Variants in PRDM5 observed in about 807,000 individuals in gnomAD.
PRDM5 encodes PR domain zinc finger protein 5.
A neutral mutation model predicts 81.2 loss-of-function variants in PRDM5; 56 were observed. The ratio of observed to expected loss-of-function variants is 0.69; its 90% CI spans 0.56 to 0.86. The LOEUF (loss-of-function observed/expected upper bound fraction) is 0.86, where lower values mean the gene tolerates loss of function less well. PRDM5 is among the 40% of genes least tolerant of loss of function. The pLI is 0.00. For missense variants in PRDM5, 697 were observed against 770.1 expected (o/e 0.91, Z 1.12); for synonymous variants, 267 against 256.4 (o/e 1.04, Z -0.39).
At chr4:120,792,892 G>T (rs780649350) in intron 10 of PRDM5, among the ~76,000 whole-genome samples, 4 of 152,070 alleles carry the variant, frequency 2.6e-5, no homozygotes, top group Non-Finnish European at 5.9e-5. Context: ...AACGGTGGTT[G>T]CCAGGAACTA....
At chr4:120,870,106 G>A (rs894034256) in intron 2 of PRDM5, among the ~76,000 whole-genome samples, 11 of 152,028 alleles carry the variant, frequency 7.2e-5, no homozygotes, top group African/African-American at 1.2e-4. Context: ...GATAAAGGAC[G>A]AGGAAGGAAG....
At chr4:120,919,306 G>T (rs779317194) in intron 1 of PRDM5, among the ~76,000 whole-genome samples, 10 of 152,196 alleles carry the variant, frequency 6.6e-5, no homozygotes, top group Non-Finnish European at 7.4e-5. Flanking sequence ...TGCAGAAAAA[G>T]ACCTTGTCTG....
chr4:120,792,626 T>C (rs999210747), intron 10 of PRDM5, among the ~76,000 whole-genome samples: 3 of 152,150 alleles, frequency 2.0e-5, no homozygotes, highest in Non-Finnish European at 2.9e-5. Context: ...CTCAGGTTCA[T>C]TGCGTAAAAG....
At chr4:120,806,124 A>C (rs905656394) in intron 8 of PRDM5, among the ~76,000 whole-genome samples, 2 of 152,192 alleles carry the variant, frequency 1.3e-5, no homozygotes, top group African/African-American at 4.8e-5. Context: ...TAAAATACCT[A>C]GGAATCCAAC....
At chr4:120,781,070 A>T in intron 12 of PRDM5, 73 bp downstream of exon 12, 1 of 1,255,290 alleles carries the variant, frequency 8.0e-7, no homozygotes, top group East Asian at 2.3e-5. Flanking sequence ...TAATTATCAC[A>T]TGTTAGTTAA....
rs554683334 is a variant in PRDM5, at chr4:120,915,492, A to T, written c.93+7024T>A. On this transcript the variant is annotated intron_variant, in intron 1 of 15. Transcript: ENST00000264808. Reference sequence around the variant, plus strand: ...GGAGAACAAAGAGACTTCCTCAGTGATGCTGTCATGCAAGAGCGGAACAGC... The same window carrying T: ...GGAGAACAAAGAGACTTCCTCAGTGTTGCTGTCATGCAAGAGCGGAACAGC... Among the ~76,000 whole-genome samples the T allele has an allele frequency of 3.3e-5, 5 of 152,230 alleles. No homozygotes were observed. In the South Asian group the frequency reaches 8.3e-4, roughly 25 times the overall value.
At chr4:120,786,048 C>T (rs189079058) in intron 10 of PRDM5, among the ~76,000 whole-genome samples, 303 of 152,108 alleles carry the variant, frequency 2.0e-3, no homozygotes, top group Non-Finnish European at 3.1e-3. Context: ...GCTAAAAAAT[C>T]AAAAATTAAA....
chr4:120,686,065 T>C (rs917985708), intron 1 of PRDM5, among the ~76,000 whole-genome samples: 2 of 152,054 alleles, frequency 1.3e-5, no homozygotes, highest in African/African-American at 4.8e-5. Context: ...TTCTCTCTCT[T>C]GCTCCCGCTC....
intron 15 of PRDM5, among the ~76,000 whole-genome samples, chr4:120,703,011 C>A (rs1735601925): frequency 6.6e-6 from 1 of 152,078 alleles, no homozygotes; most frequent in Non-Finnish European, 1.5e-5. Flanking sequence ...TTCCCCCATG[C>A]CCATTCCCAG....
intron 14 of PRDM5, among the ~76,000 whole-genome samples, chr4:120,743,279 G>C (rs1193266131): frequency 1.3e-5 from 2 of 151,420 alleles, no homozygotes; most frequent in African/African-American, 4.9e-5. Context: ...CCTGAAGGAA[G>C]CACTAAACAA....
intron 3 of PRDM5, among the ~76,000 whole-genome samples, chr4:120,840,132 C>T (rs1757845458): frequency 6.6e-6 from 1 of 152,214 alleles, no homozygotes; most frequent in Non-Finnish European, 1.5e-5. Flanking sequence ...CTGCTACCTG[C>T]TCCTGGCTCC....
chr4:120,863,365 G>A (rs529009263), intron 2 of PRDM5, among the ~76,000 whole-genome samples: 56 of 151,788 alleles, frequency 3.7e-4, no homozygotes, highest in Middle Eastern at 3.4e-3. Flanking sequence ...ACTACGTACT[G>A]TAATAAACCT....
intron 8 of PRDM5, among the ~76,000 whole-genome samples, chr4:120,806,079 G>A (rs1752875937): frequency 6.6e-6 from 1 of 152,116 alleles, no homozygotes; most frequent in South Asian, 2.1e-4. Context: ...GCCAAATCAT[G>A]AGTGAACTCC....
intron 14 of PRDM5, among the ~76,000 whole-genome samples, chr4:120,722,874 A>T (rs1488401704): frequency 1.1e-4 from 16 of 152,202 alleles, no homozygotes. Flanking sequence ...GCACGCGAGG[A>T]GCTGGCTGAG....
At chr4:120,823,756 G>A (rs1309531197) in intron 3 of PRDM5, among the ~76,000 whole-genome samples, 1 of 152,142 alleles carries the variant, frequency 6.6e-6, no homozygotes, top group Non-Finnish European at 1.5e-5. Context: ...CATGCCCTTT[G>A]GCAGGAAGGA....
chr4:120,730,558 T>C (rs1297040328), intron 14 of PRDM5, among the ~76,000 whole-genome samples: 2 of 152,222 alleles, frequency 1.3e-5, no homozygotes, highest in African/African-American at 4.8e-5. Flanking sequence ...TGAACATAAA[T>C]TTCTGTTCCA....
chr4:120,893,465 AGACTGCATCTTTT>A (rs1764282954), intron 2 of PRDM5, among the ~76,000 whole-genome samples: 1 of 152,168 alleles, frequency 6.6e-6, no homozygotes, highest in South Asian at 2.1e-4. Flanking sequence ...CCATCCCCCA[AGACTGCATCTTTT>A]GATGCAGTTG....
intron 14 of PRDM5, among the ~76,000 whole-genome samples, chr4:120,742,339 C>A (rs1253568611): frequency 1.3e-5 from 2 of 152,184 alleles, no homozygotes; most frequent in African/African-American, 2.4e-5. Flanking sequence ...AAAAACAGAA[C>A]AGAAAAACTG....
At chr4:120,850,334 T>C (rs1244045680) in intron 3 of PRDM5, among the ~76,000 whole-genome samples, 1 of 152,188 alleles carries the variant, frequency 6.6e-6, no homozygotes, top group East Asian at 1.9e-4. Context: ...TCAATGTTTC[T>C]GGAATGCAAT....
Sources: gnomAD v4.1 joint callset for allele counts (sites outside exome capture counted in the v4.1 genomes callset) on GRCh38, gnomAD v4.1.1 for gene constraint, MANE v1.5 for transcripts, NCBI Gene and HGNC (gene_info 2026-07-23, HGNC 2026-07-21) for gene names.